DLGAP2: variants seen among roughly 807,000 people sequenced by gnomAD.
DLGAP2 encodes the protein DLG associated protein 2.
A neutral mutation model predicts 100.3 loss-of-function variants in DLGAP2; 26 were observed. That is an observed-to-expected ratio of 0.26 (90% CI 0.19 to 0.36). The LOEUF (loss-of-function observed/expected upper bound fraction) is 0.36, where lower values mean the gene tolerates loss of function less well. DLGAP2 is among the 10% of genes least tolerant of loss of function. The pLI, the probability that DLGAP2 is intolerant of heterozygous loss-of-function variation, is 1.00. For synonymous variants in DLGAP2, 886 were observed against 630.1 expected (o/e 1.41, Z -6.08); for missense variants, 1,858 against 1,453.2 (o/e 1.28, Z -4.53).
chr8:900,305 G>A (rs1323757856), intron 1 of DLGAP2, among the ~76,000 whole-genome samples: 1 of 146,626 alleles, frequency 6.8e-6, no homozygotes, highest in Non-Finnish European at 1.5e-5. Context: ...GGCGGACGGT[G>A]GGCGCCCTCC....
At chr8:1,670,601 G>A (rs911047896) in intron 10 of DLGAP2, among the ~76,000 whole-genome samples, 2 of 152,228 alleles carry the variant, frequency 1.3e-5, no homozygotes, top group Admixed American at 6.5e-5. Context: ...GCGAGTGGAC[G>A]GATGGGTCGC....
chr8:799,681 C>G (rs1433226880), intron 1 of DLGAP2, among the ~76,000 whole-genome samples: 1 of 152,214 alleles, frequency 6.6e-6, no homozygotes, highest in Non-Finnish European at 1.5e-5. Flanking sequence ...ACTGCAGCCT[C>G]AAACTCCTAG....
At chr8:998,157 TACAC>T (rs1305938804) in intron 2 of DLGAP2, among the ~76,000 whole-genome samples, 2 of 151,910 alleles carry the variant, frequency 1.3e-5, no homozygotes, top group African/African-American at 4.8e-5. Context: ...ACAACACACA[TACAC>T]ACATGTATAC....
At chr8:822,982 C>G (rs1796611530) in intron 1 of DLGAP2, among the ~76,000 whole-genome samples, 2 of 152,094 alleles carry the variant, frequency 1.3e-5, no homozygotes, top group Non-Finnish European at 1.5e-5. Context: ...CGAGATTTGT[C>G]AAAGGGAAGA....
chr8:1,320,810 G>A (rs1800878254), intron 3 of DLGAP2, among the ~76,000 whole-genome samples: 1 of 152,208 alleles, frequency 6.6e-6, no homozygotes, highest in Non-Finnish European at 1.5e-5. Flanking sequence ...CAAGGCTGGA[G>A]GTGCTGCCAC....
chr8:1,602,982 G>C (rs989182792), intron 6 of DLGAP2, among the ~76,000 whole-genome samples: 1 of 152,254 alleles, frequency 6.6e-6, no homozygotes, highest in Admixed American at 6.5e-5. Context: ...TTCTGCAGAG[G>C]CTGGATAGAG....
At chr8:1,636,544 T>C (rs1797771053) in intron 8 of DLGAP2, among the ~76,000 whole-genome samples, 1 of 152,258 alleles carries the variant, frequency 6.6e-6, no homozygotes, top group Non-Finnish European at 1.5e-5. Context: ...AAAATTTTAC[T>C]TCTTTGCTGA....
At chr8:1,351,351 G>A (rs577491155) in intron 3 of DLGAP2, among the ~76,000 whole-genome samples, 1 of 60,284 alleles carries the variant, frequency 1.7e-5, no homozygotes, top group African/African-American at 5.1e-5. Context: ...TGGAACGGCC[G>A]TGCGGGTCCT....
intron 3 of DLGAP2, among the ~76,000 whole-genome samples, chr8:1,462,356 C>T (rs1181663213): frequency 1.1e-5 from 1 of 91,932 alleles, no homozygotes; most frequent in African/African-American, 4.0e-5. Flanking sequence ...TGGGTGCAGT[C>T]GCTGATTCAG....
intron 3 of DLGAP2, among the ~76,000 whole-genome samples, chr8:1,409,039 G>C (rs1015433249): frequency 6.6e-6 from 1 of 152,226 alleles, no homozygotes; most frequent in African/African-American, 2.4e-5. Context: ...CTCAGTTCCA[G>C]AATGTGGACC....
chr8:1,534,750 G>A (rs1021960641), intron 4 of DLGAP2, among the ~76,000 whole-genome samples: 1 of 151,320 alleles, frequency 6.6e-6, no homozygotes, highest in South Asian at 2.1e-4. Flanking sequence ...GGCTGTGTGT[G>A]TTTGTGTGTG....
intron 2 of DLGAP2, among the ~76,000 whole-genome samples, chr8:1,157,440 C>G (rs1585109113): frequency 1.3e-5 from 2 of 152,244 alleles, no homozygotes; most frequent in South Asian, 4.2e-4. Flanking sequence ...CCAAATTTTG[C>G]AATGTTTTTC....
chr8:1,222,348 T>A (rs1027181265), intron 2 of DLGAP2, among the ~76,000 whole-genome samples: 2 of 152,142 alleles, frequency 1.3e-5, no homozygotes, highest in Non-Finnish European at 2.9e-5. Flanking sequence ...TTTCAAGGGA[T>A]AAAGGCTCAG....
rs17063775 is a variant in DLGAP2, at chr8:1,293,027, A to G, written c.106+34144A>G. 5.9e-3 allele frequency among the ~76,000 whole-genome samples: 905 copies of G among 152,208 alleles called. 6 individuals carry two copies. The highest frequency in any genetic ancestry group is 0.021 in the African/African-American group (876 of 41,518). Reference sequence around the variant, plus strand: ...TTCCACATGCCTAAGACAGGTGCTTATCCAGGCCTTTGAGTCCAAAGCAGC... The same window carrying G: ...TTCCACATGCCTAAGACAGGTGCTTGTCCAGGCCTTTGAGTCCAAAGCAGC... On this transcript the variant is annotated intron_variant, in intron 3 of 14. Coordinates refer to ENST00000637795, the MANE Select transcript of DLGAP2 (RefSeq NM_001346810.2).
intron 3 of DLGAP2, among the ~76,000 whole-genome samples, chr8:1,291,385 C>G (rs1585227841): frequency 1.3e-5 from 2 of 152,256 alleles, no homozygotes; most frequent in South Asian, 4.1e-4. Flanking sequence ...ATGGGCATTA[C>G]TCTCTAAAGT....
intron 1 of DLGAP2, among the ~76,000 whole-genome samples, chr8:867,195 A>G (rs945915786): frequency 2.0e-5 from 3 of 152,154 alleles, no homozygotes; most frequent in Non-Finnish European, 2.9e-5. Context: ...TCGGGGATCT[A>G]TTTGCTTTAT....
chr8:1,484,116 G>T (rs1322716728), intron 3 of DLGAP2, among the ~76,000 whole-genome samples: 1 of 152,242 alleles, frequency 6.6e-6, no homozygotes, highest in African/African-American at 2.4e-5. Flanking sequence ...CGTGGGCTGA[G>T]GAGCTGGTGA....
chr8:1,579,351 G>A (rs996097575), intron 6 of DLGAP2, among the ~76,000 whole-genome samples: 5 of 151,980 alleles, frequency 3.3e-5, no homozygotes, highest in African/African-American at 9.7e-5. Context: ...AGACACATAT[G>A]TATATGAGTA....
intron 4 of DLGAP2, among the ~76,000 whole-genome samples, chr8:1,506,706 G>A (rs1436107744): frequency 6.6e-6 from 1 of 152,164 alleles, no homozygotes; most frequent in Non-Finnish European, 1.5e-5. Flanking sequence ...TGATTGGTCT[G>A]TTTTACAAAG....
Sources: allele counts gnomAD v4.1 joint callset (sites outside exome capture counted in the v4.1 genomes callset), GRCh38; gene constraint gnomAD v4.1.1; transcripts MANE v1.5; gene names NCBI Gene and HGNC (gene_info 2026-07-23, HGNC 2026-07-21).